The following IL6 variants were observed in gnomAD, a reference collection of about 807,000 sequenced individuals.
The protein encoded by IL6 is interleukin-6.
A neutral mutation model predicts 18.0 loss-of-function variants in IL6; 5 were observed. The ratio of observed to expected loss-of-function variants is 0.28; its 90% confidence interval spans 0.15 to 0.58. The LOEUF (loss-of-function observed/expected upper bound fraction) is 0.58, where lower values mean the gene tolerates loss of function less well. IL6 is among the 20% of genes least tolerant of loss of function. The pLI is 0.90. For synonymous variants in IL6, 97 were observed against 95.1 expected (o/e 1.02, Z -0.12); for missense variants, 266 against 251.0 (o/e 1.06, Z -0.40).
At chr7:22,728,566 T>A in intron 2 of IL6, 127 bp from the exon 3 acceptor site, 2 of 640,744 alleles carry the variant, frequency 3.1e-6, no homozygotes, top group Non-Finnish European at 5.7e-6. Context: ...CTTGCCAGGA[T>A]GCCAATGAGT....
rs773824781 is a variant in IL6 at position 22,729,502 on chromosome 7, CT to C, written c.325-9del. 1 of 1,607,280 alleles carries C rather than the reference CT, an allele frequency of 6.2e-7. No individual in the cohort carries two copies. The highest frequency in any genetic ancestry group is 1.1e-5 in the South Asian group (1 of 90,700). On this transcript the variant is annotated splice_polypyrimidine_tract_variant and intron_variant, in intron 3 of 4. Coordinates refer to ENST00000258743, the MANE Select transcript of IL6 (RefSeq NM_000600.5). Reference sequence around the variant, plus strand: ...TGGCGATAACCAATTTTCCCACCATCTTTCCTCTTAGGAGACTTGCCTGGTG... The same window carrying C: ...TGGCGATAACCAATTTTCCCACCATCTTCCTCTTAGGAGACTTGCCTGGTG...
At position 22,731,433 on chromosome 7, in the gene IL6, C is replaced by G. The variant is rs200641450; in HGVS notation, c.499C>G (p.Pro167Ala). ...AAAGAATCTAGATGCAATAACCACC[C>G]CTGACCCAACCACAAATGCCAGCCT... Reference protein sequence around the residue: ...KAKNLDAITTPDPTTNASLLT... With the variant: ...KAKNLDAITTADPTTNASLLT... The change falls in exon 5 of 5, where the codon CCT (proline) becomes GCT (alanine). Residue 167 changes from proline (P) to alanine (A), a missense_variant. Pro to Ala is a conservative substitution (Grantham distance 27). Coordinates refer to ENST00000258743, the MANE Select transcript of IL6 (RefSeq NM_000600.5). The G allele has an allele frequency of 3.7e-6, 6 of 1,604,010 alleles. No homozygotes were observed. The highest frequency in any genetic ancestry group is 5.1e-6 in the Non-Finnish European group (6 of 1,173,008).
At position 22,728,606 on chromosome 7, in the gene IL6, T is replaced by C. The variant is rs1784060233; in HGVS notation, c.211-87T>C. 5.2e-6 allele frequency: 4 copies of C among 776,686 alleles called. No individual in the cohort carries two copies. In the African/African-American group the frequency reaches 7.0e-5, roughly 14 times the overall value. The allele number at this position is 776,686 out of a possible 1,614,324, so 48.1% of individuals were successfully genotyped here. A position where few individuals can be genotyped will look rare whatever the true frequency, so the allele number is the denominator to read the frequency against. On this transcript the variant is annotated intron_variant, in intron 2 of 4. Transcript: ENST00000258743. ...GCTTCATTTTTCTTAGAGACTTTCC[T>C]GGCTGTGGTTGAACAATGAAAAGGC...
intron 4 of IL6, chr7:22,730,134 G>C (rs1784099029): frequency 1.0e-6 from 1 of 985,388 alleles, no homozygotes; most frequent in Non-Finnish European, 1.2e-6. Flanking sequence ...AGAGACTCAA[G>C]GGTGGAAAGA....
intron 4 of IL6, 176 bp downstream of exon 4, chr7:22,729,836 GGT>G (rs1242503902): frequency 8.6e-6 from 13 of 1,506,974 alleles, no homozygotes; most frequent in Non-Finnish European, 1.2e-5. Context: ...TTGTTTGGTT[GGT>G]TGGCTCTCTT....
Position 22,729,559 on chromosome 7 carries a change from G to C in IL6, c.370G>C (p.Val124Leu). 1 of 1,614,126 alleles carries C rather than the reference G, an allele frequency of 6.2e-7. No homozygotes were observed. The highest frequency in any genetic ancestry group is 8.5e-7 in the Non-Finnish European group (1 of 1,179,998). Residue 124 changes from valine to leucine, a missense_variant, in exon 4 of 5, where the codon GTA becomes CTA. By Grantham distance (32) the Val-to-Leu change is conservative. Transcript: ENST00000258743. The part of the protein sequence containing the change: ...KIITGLLEFE[V>L]YLEYLQNRFE... ...CATCACTGGTCTTTTGGAGTTTGAGGTATACCTAGAGTACCTCCAGAACAG... is the reference window on the plus strand; with the variant it reads ...CATCACTGGTCTTTTGGAGTTTGAGCTATACCTAGAGTACCTCCAGAACAG...
At position 22,728,705 on chromosome 7, in the gene IL6, A is replaced by T; in HGVS notation, c.223A>T (p.Ser75Cys). Residue 75 changes from serine to cysteine, a missense_variant, in exon 3 of 5, where the codon AGT (serine) becomes TGT (cysteine). By Grantham distance (112) the Ser-to-Cys change is moderately radical. Coordinates refer to ENST00000258743, the MANE Select transcript of IL6 (RefSeq NM_000600.5). ...TATTCTTTCCCAGACATGTAACAAGAGTAACATGTGTGAAAGCAGCAAAGA... is the reference window on the plus strand; with the variant it reads ...TATTCTTTCCCAGACATGTAACAAGTGTAACATGTGTGAAAGCAGCAAAGA... ...SALRKETCNK[S>C]NMCESSKEAL... 2 of 1,596,518 alleles carry T rather than the reference A, an allele frequency of 1.3e-6. No homozygotes were observed. The highest frequency in any genetic ancestry group is 4.5e-5 in the East Asian group (2 of 44,786).
In IL6 at chr7:22,729,515, A is replaced by G. The variant is rs200263800; in HGVS notation, c.326A>G (p.Glu109Gly). Residue 109 changes from glutamate (E) to glycine (G), a missense_variant and splice_region_variant, in exon 4 of 5, where the codon GAG (glutamate) becomes GGG (glycine). Physicochemically the swap from Glu to Gly is moderately conservative, Grantham distance 98 (BLOSUM62 -2). Transcript: ENST00000258743. ...TTTTCCCACCATCTTTCCTCTTAGGAGACTTGCCTGGTGAAAATCATCACT... is the reference window on the plus strand; with the variant it reads ...TTTTCCCACCATCTTTCCTCTTAGGGGACTTGCCTGGTGAAAATCATCACT... ...DGCFQSGFNE[E>G]TCLVKIITGL... is the part of the protein sequence containing the mutation. The G allele has an allele frequency of 1.2e-5, 20 of 1,612,520 alleles. 1 individual carries two copies. Among genetic ancestry groups the G allele is most frequent in the Non-Finnish European group, 1.7e-5 (20 of 1,178,948 alleles).
Position 22,728,625 on chromosome 7 carries a change from A to G in IL6, c.211-68A>G. 6 of 878,834 alleles carry G rather than the reference A, an allele frequency of 6.8e-6. No homozygotes were observed. The South Asian group carries it at 6.9e-5, about 10-fold the overall frequency. The allele number at this position is 878,834 out of a possible 1,614,324, so 54.4% of individuals were successfully genotyped here. A position where few individuals can be genotyped will look rare whatever the true frequency, so the allele number is the denominator to read the frequency against. On this transcript the variant is annotated intron_variant, in intron 2 of 4. Transcript: ENST00000258743. ...CTTTCCTGGCTGTGGTTGAACAATG[A>G]AAAGGCCCTCTAGTGGTGTTTGTTT...
In IL6 at chr7:22,727,360, G is replaced by C. The variant is rs533650970; in HGVS notation, c.19+79G>C. 9.7e-5 allele frequency: 156 copies of C among 1,613,764 alleles called. No individual in the cohort carries two copies. The African/African-American group carries it at 1.9e-3, about 19-fold the overall frequency. Reference sequence around the variant, plus strand: ...GTGAGGGAGGGGTGTGTGGCCCAGGGAGGGCTGGCGGGCGGCCAGCAGCAG... The same window carrying C: ...GTGAGGGAGGGGTGTGTGGCCCAGGCAGGGCTGGCGGGCGGCCAGCAGCAG... On this transcript the variant is annotated intron_variant, in intron 1 of 4. Coordinates refer to ENST00000258743, the MANE Select transcript of IL6 (RefSeq NM_000600.5).
In IL6 at chr7:22,731,748, T is replaced by G. The variant is rs1283915844; in HGVS notation, c.*175T>G. ...TTTAAATATGTGAAGCTGAGTTAAT[T>G]TATGTAAGTCATATTTATATTTTTA... On this transcript the variant is annotated 3_prime_UTR_variant, in exon 5 of 5. Transcript: ENST00000258743. 3.0e-6 allele frequency: 1 copy of G among 335,610 alleles called. No individual in the cohort carries two copies. The highest frequency in any genetic ancestry group is 5.2e-6 in the Non-Finnish European group (1 of 192,794). 20.8% of individuals were successfully genotyped at this position (335,610 alleles called of 1,614,324 possible). A position where few individuals can be genotyped will look rare whatever the true frequency, so the allele number is the denominator to read the frequency against.
chr7:22,728,078 C>A (rs556382228), intron 2 of IL6, among the ~76,000 whole-genome samples: 4 of 152,178 alleles, frequency 2.6e-5, no homozygotes, highest in Non-Finnish European at 5.9e-5. Context: ...AGCTAAGATT[C>A]ATACCTCAGA....
At position 22,729,584 on chromosome 7, in the gene IL6, G is replaced by A; in HGVS notation, c.395G>A (p.Arg132Lys). ...FEVYLEYLQN[R>K]FESSEEQARA... ...GTATACCTAGAGTACCTCCAGAACA[G>A]ATTTGAGAGTAGTGAGGAACAAGCC... Residue 132 changes from arginine (R) to lysine (K), a missense_variant, in exon 4 of 5, where the codon AGA (arginine) becomes AAA (lysine). Physicochemically the swap from Arg to Lys is conservative, Grantham distance 26 (BLOSUM62 2). Transcript: ENST00000258743. 2 of 1,614,180 alleles carry A rather than the reference G, an allele frequency of 1.2e-6. No individual in the cohort carries two copies. The highest frequency in any genetic ancestry group is 8.5e-7 in the Non-Finnish European group (1 of 1,180,010).
At chr7:22,731,333 C>A in intron 4 of IL6, 73 bp from the exon 5 acceptor site, 3 of 1,217,134 alleles carry the variant, frequency 2.5e-6, no homozygotes, top group Non-Finnish European at 3.4e-6. Context: ...CATCCCATAG[C>A]CCAGAGCATC....
chr7:22,729,745 C>T (rs143808144), intron 4 of IL6, 85 bp downstream of exon 4: 1 of 1,607,036 alleles, frequency 6.2e-7, no homozygotes, highest in Non-Finnish European at 8.5e-7. Context: ...GATGCAATGC[C>T]ACTTCCAAAA....
chr7:22,730,891 C>A (rs1471247374), intron 4 of IL6, among the ~76,000 whole-genome samples: 2 of 151,984 alleles, frequency 1.3e-5, no homozygotes, highest in Non-Finnish European at 2.9e-5. Context: ...AGTGGTGCTT[C>A]CCTCAGGATG....
chr7:22,728,418 G>A (rs1784056492), intron 2 of IL6: 3 of 410,736 alleles, frequency 7.3e-6, no homozygotes. Flanking sequence ...AATAAATATT[G>A]TGTCTAATCT....
intron 3 of IL6, among the ~76,000 whole-genome samples, chr7:22,729,231 G>C (rs1784075728): frequency 6.6e-6 from 1 of 152,114 alleles, no homozygotes; most frequent in East Asian, 1.9e-4. Context: ...CATTAACAAG[G>C]GCAAGAGTGC....
intron 4 of IL6, 35 bp downstream of exon 4, chr7:22,729,695 G>C: frequency 6.2e-7 from 1 of 1,614,044 alleles, no homozygotes; most frequent in Non-Finnish European, 8.5e-7. Flanking sequence ...CTTGGTGTGG[G>C]GGAAGACAGG....
Sources: allele counts gnomAD v4.1 joint callset (sites outside exome capture counted in the v4.1 genomes callset), GRCh38; gene constraint gnomAD v4.1.1; transcripts MANE v1.5; gene names NCBI Gene and HGNC (gene_info 2026-07-23, HGNC 2026-07-21).